Variants in SLC27A5 observed in about 807,000 individuals in gnomAD.
SLC27A5 encodes solute carrier family 27 member 5.
A neutral mutation model predicts 63.1 loss-of-function variants in SLC27A5; 47 were observed. The ratio of observed to expected loss-of-function variants is 0.74; its 90% CI spans 0.59 to 0.95. The LOEUF (loss-of-function observed/expected upper bound fraction) is 0.95, where lower values mean the gene tolerates loss of function less well. Ranked by LOEUF, SLC27A5 falls within the 40% of genes least tolerant of loss-of-function variation. SLC27A5 has a pLI of 0.00. For synonymous variants in SLC27A5, 391 were observed against 403.8 expected, an observed-to-expected ratio of 0.97 and a Z score of 0.38; for missense variants, 940 against 921.0, an observed-to-expected ratio of 1.02 and a Z score of -0.27.
rs371842126 is a variant in SLC27A5 at position 58,498,561 on chromosome 19, G to A, written c.2027C>T (p.Thr676Met). ...ACACACAGCCTGGTACATTTCTGCCGTCAGGGGCCGGAAGGACTGGGCCCG... is the reference window on the plus strand; with the variant it reads ...ACACACAGCCTGGTACATTTCTGCCATCAGGGGCCGGAAGGACTGGGCCCG... ...DNRAQSFRPL[T>M]AEMYQAVCEG... is the part of the protein sequence containing the mutation. The change falls in exon 10 of 10, where the codon ACG becomes ATG. Residue 676 changes from threonine (T) to methionine (M), a missense_variant. Transcript: ENST00000263093. 3.7e-6 allele frequency: 6 copies of A among 1,613,892 alleles called. No individual in the cohort carries two copies. The highest frequency in any genetic ancestry group is 2.2e-5 in the East Asian group (1 of 44,894).
Position 58,500,633 on chromosome 19 carries a change from A to G in SLC27A5, c.1256T>C (p.Phe419Ser). 1 of 1,614,118 alleles carries G rather than the reference A, an allele frequency of 6.2e-7. No individual in the cohort carries two copies. The highest frequency in any genetic ancestry group is 1.1e-5 in the South Asian group (1 of 91,088). Residue 419 changes from phenylalanine to serine, a missense_variant, in exon 5 of 10, where the codon TTC (phenylalanine) becomes TCC (serine). By Grantham distance (155) the Phe-to-Ser change is radical. Transcript: ENST00000263093. ...NGLRADVWETFQQRFGPIRIW... is the reference protein window; with the variant it reads ...NGLRADVWETSQQRFGPIRIW... The stretch of plus-strand genomic sequence containing the variant: ...CCGAATAGGACCGAAGCGCTGCTGG[A>G]AGGTCTCCCACACATCAGCCCGTAG...
At chr19:58,504,604 C>T (rs2053322866) in intron 3 of SLC27A5, among the ~76,000 whole-genome samples, 1 of 129,614 alleles carries the variant, frequency 7.7e-6, no homozygotes, top group Non-Finnish European at 1.6e-5. Flanking sequence ...CGGGGCGGAG[C>T]TTGCGGTGAC....
At chr19:58,502,566 G>A (rs56128656) in intron 3 of SLC27A5, among the ~76,000 whole-genome samples, 9 of 85,382 alleles carry the variant, frequency 1.1e-4, no homozygotes, top group African/African-American at 1.7e-4. Context: ...TGGATGGGTG[G>A]ACAGTTAGAG....
rs1158875751 is a variant in SLC27A5 at position 58,511,593 on chromosome 19, C to T, written c.363G>A (p.Glu121=). 6.3e-7 allele frequency: 1 copy of T among 1,583,096 alleles called. No individual in the cohort carries two copies. Among genetic ancestry groups the T allele is most frequent in the African/African-American group, 1.3e-5 (1 of 74,328 alleles). The change falls in exon 1 of 10, where the codon GAG becomes GAA. Residue 121 remains glutamate, a synonymous_variant. Transcript: ENST00000263093. ...QPPDTFVDAF[E]RRARAQPGRA... is the part of the protein sequence containing the mutation. Reference sequence around the variant, plus strand: ...TGCCAGGCTGCGCTCGTGCTCGCCGCTCGAAGGCATCTACAAAGGTGTCAG... The same window carrying T: ...TGCCAGGCTGCGCTCGTGCTCGCCGTTCGAAGGCATCTACAAAGGTGTCAG...
At chr19:58,509,588 C>A (rs1402078794) in intron 3 of SLC27A5, 3 of 377,044 alleles carry the variant, frequency 8.0e-6, no homozygotes, top group Non-Finnish European at 1.4e-5. Flanking sequence ...CTCCTGAGCA[C>A]CACACCTTCC....
In SLC27A5 at chr19:58,499,590, C is replaced by T; in HGVS notation, c.1569G>A (p.Val523=). The change falls in exon 7 of 10, where the codon GTG becomes GTA. Residue 523 remains valine (V), a synonymous_variant. Coordinates refer to ENST00000263093, the MANE Select transcript of SLC27A5 (RefSeq NM_012254.3). ...TGTAGTAAACGTCGCCCGATTGCCG[C>T]ACGTTGCGCACCAGCTTCCGTTCCG... ...ELSERKLVRN[V]RQSGDVYYNT... is the part of the protein sequence containing the mutation. The T allele has an allele frequency of 1.2e-6, 2 of 1,612,858 alleles. 1 individual carries two copies. The highest frequency in any genetic ancestry group is 2.2e-5 in the South Asian group (2 of 91,050).
rs750265420 is a variant in SLC27A5, at chr19:58,500,686, A to G, written c.1203T>C (p.His401=). 2 of 1,613,898 alleles carry G rather than the reference A, an allele frequency of 1.2e-6. No homozygotes were observed. The highest frequency in any genetic ancestry group is 2.2e-5 in the East Asian group (1 of 44,862). Residue 401 remains histidine (H), a synonymous_variant, in exon 5 of 10, where the codon CAT becomes CAC. Transcript: ENST00000263093. ...NIPQQPEDRT[H]TVRLAMGNGL... is the part of the protein sequence containing the mutation. ...CATTGCCCATTGCCAGGCGGACTGT[A>G]TGTGTCCGGTCCTCTGGTTGCTACA...
rs398035153 is a variant in SLC27A5 at position 58,505,098 on chromosome 19, C to CT, written c.1058-3689dup. Among the ~76,000 whole-genome samples, 185 of 108,752 alleles carry CT rather than the reference C, an allele frequency of 1.7e-3. 1 individual carries two copies. Among genetic ancestry groups the CT allele is most frequent in the East Asian group, 7.2e-3 (26 of 3,600 alleles). The allele number at this position is 108,752 out of a possible 152,430, so 71.3% of individuals were successfully genotyped here. A position where few individuals can be genotyped will look rare whatever the true frequency, so the allele number is the denominator to read the frequency against. Reference sequence around the variant, plus strand: ...CTGAGATGTCATCAAACTATTTTCACTTTTTTTTTTTTTTTTTTTTGAGAC... The same window carrying CT: ...CTGAGATGTCATCAAACTATTTTCACTTTTTTTTTTTTTTTTTTTTTGAGAC... On this transcript the variant is annotated intron_variant, in intron 3 of 9. Transcript: ENST00000263093.
chr19:58,499,192 C>T lies in SLC27A5; in HGVS notation c.1696G>A (p.Glu566Lys), dbSNP rs1189055667. 2 of 1,613,954 alleles carry T rather than the reference C, an allele frequency of 1.2e-6. No individual in the cohort carries two copies. Among genetic ancestry groups the T allele is most frequent in the East Asian group, 2.2e-5 (1 of 44,890 alleles). The part of the protein sequence containing the change: ...RWKGENVSTH[E>K]VEGVLSQVDF... The stretch of plus-strand genomic sequence containing the variant: ...ACCTGCGACAACACGCCCTCCACCT[C>T]GTGCGTGGACACGTTCTCGCCCTTC... Residue 566 changes from glutamate to lysine, a missense_variant, in exon 8 of 10, where the codon GAG becomes AAG. Glu to Lys is a moderately conservative substitution (Grantham distance 56). Coordinates refer to ENST00000263093, the MANE Select transcript of SLC27A5 (RefSeq NM_012254.3).
In SLC27A5 at chr19:58,502,150, G is replaced by C. The variant is rs561638619; in HGVS notation, c.1058-740C>G. Among the ~76,000 whole-genome samples the C allele has an allele frequency of 1.1e-4, 16 of 152,040 alleles. No homozygotes were observed. In the South Asian group the frequency reaches 3.3e-3, roughly 32 times the overall value. ...GTAGTGAGTGAGTAGATGGGTGGGT[G>C]GACAGAGTAGTGAGTGAGTAGATGG... On this transcript the variant is annotated intron_variant, in intron 3 of 9. Transcript: ENST00000263093.
chr19:58,504,236 C>T (rs1184594980), intron 3 of SLC27A5, among the ~76,000 whole-genome samples: 2 of 152,164 alleles, frequency 1.3e-5, no homozygotes, highest in Non-Finnish European at 2.9e-5. Flanking sequence ...AATGTTGTTA[C>T]GTGTAATAAT....
chr19:58,499,448 C>G, intron 7 of SLC27A5, 44 bp downstream of exon 7: 2 of 1,598,230 alleles, frequency 1.3e-6, no homozygotes, highest in South Asian at 2.2e-5. Flanking sequence ...TGAAAGCGTC[C>G]GTGGCCCCGC....
In SLC27A5 at chr19:58,511,705, A is replaced by G. The variant is rs536247691; in HGVS notation, c.251T>C (p.Leu84Pro). 4 of 1,563,660 alleles carry G rather than the reference A, an allele frequency of 2.6e-6. No individual in the cohort carries two copies. Among genetic ancestry groups the G allele is most frequent in the East Asian group, 4.7e-5 (2 of 42,278 alleles). The change falls in exon 1 of 10, where the codon CTA becomes CCA. Residue 84 changes from leucine (L) to proline (P), a missense_variant. Leu to Pro is a moderately conservative substitution (Grantham distance 98, BLOSUM62 -3). Coordinates refer to ENST00000263093, the MANE Select transcript of SLC27A5 (RefSeq NM_012254.3). ...TLLPARLPPG[L>P]RWLPADVIFL... ...GATCACATCAGCCGGCAGCCAGCGT[A>G]GTCCTGGGGGCAGCCGTGCTGGCAG...
chr19:58,499,838 G>C (rs2053253683), intron 6 of SLC27A5, 148 bp from the exon 7 acceptor site: 3 of 707,798 alleles, frequency 4.2e-6, no homozygotes. Context: ...AGATGAGAGA[G>C]ACATTCAGAG....
rs1190118272 is a variant in SLC27A5, at chr19:58,511,250, T to C, written c.688+18A>G. On this transcript the variant is annotated intron_variant, in intron 1 of 9. Transcript: ENST00000263093. ...GCCCTTGCCCCCTTCCATTCTCCAC[T>C]GGCTCCAAGGCCCTCACCTGGGTCC... 6.6e-7 allele frequency: 1 copy of C among 1,520,006 alleles called. No individual in the cohort carries two copies. Among genetic ancestry groups the C allele is most frequent in the East Asian group, 2.3e-5 (1 of 43,848 alleles). 94.2% of individuals were successfully genotyped at this position (1,520,006 alleles called of 1,614,324 possible). A position where few individuals can be genotyped will look rare whatever the true frequency, so the allele number is the denominator to read the frequency against.
At chr19:58,499,422 G>T in intron 7 of SLC27A5, 70 bp downstream of exon 7, 1 of 1,534,124 alleles carries the variant, frequency 6.5e-7, no homozygotes, top group Non-Finnish European at 8.9e-7. Context: ...TCTTCAGCCT[G>T]ACTCCCTCTA....
At chr19:58,499,888 A>G (rs2053254163) in intron 6 of SLC27A5, among the ~76,000 whole-genome samples, 198 bp from the exon 7 acceptor site, 2 of 152,142 alleles carry the variant, frequency 1.3e-5, no homozygotes, top group Admixed American at 1.3e-4. Context: ...AAAATGAGAG[A>G]GAAGTATAGA....
intron 3 of SLC27A5, among the ~76,000 whole-genome samples, chr19:58,504,573 TGGGGGGGGGGGGG>T (rs57027973): frequency 3.2e-5 from 2 of 62,068 alleles, no homozygotes; most frequent in African/African-American, 2.2e-4. Context: ...GATTGAACCC[TGGGGGGGGGGGGG>T]GGGCGGGCGG....
chr19:58,505,948 C>T (rs2053341331), intron 3 of SLC27A5, among the ~76,000 whole-genome samples: 2 of 150,434 alleles, frequency 1.3e-5, no homozygotes, highest in Admixed American at 6.6e-5. Context: ...GTCAGGAGTT[C>T]GAGACCAGCC....
Sources: gnomAD v4.1 joint callset for allele counts (sites outside exome capture counted in the v4.1 genomes callset) on GRCh38, gnomAD v4.1.1 for gene constraint, MANE v1.5 for transcripts, NCBI Gene and HGNC (gene_info 2026-07-23, HGNC 2026-07-21) for gene names.